LRCH1: variants seen among roughly 807,000 people sequenced by gnomAD.
LRCH1 encodes leucine rich repeats and calponin homology domain containing 1.
In LRCH1, 23 loss-of-function variants were observed where a neutral mutation model predicts 94.9. The ratio of observed to expected loss-of-function variants is 0.24; its 90% CI spans 0.17 to 0.34. The LOEUF (loss-of-function observed/expected upper bound fraction) is 0.34, where lower values mean the gene tolerates loss of function less well. Among genes scored for constraint, LRCH1 ranks in the 10% least tolerant of loss-of-function variants. LRCH1 has a pLI of 1.00. For missense variants in LRCH1, 790 were observed against 945.9 expected (o/e 0.84, Z 2.16); for synonymous variants, 364 against 354.9 (o/e 1.03, Z -0.29).
intron 1 of LRCH1, among the ~76,000 whole-genome samples, chr13:46,611,802 T>A (rs1319915614): frequency 6.6e-6 from 1 of 152,250 alleles, no homozygotes; most frequent in Non-Finnish European, 1.5e-5. Context: ...TAATGTTATC[T>A]TCTTAAAATT....
Position 46,553,691 on chromosome 13 carries a change from A to T in LRCH1, c.295A>T (p.Thr99Ser). The T allele has an allele frequency of 6.2e-7, 1 of 1,609,974 alleles. No individual in the cohort carries two copies. Among genetic ancestry groups the T allele is most frequent in the Non-Finnish European group, 8.5e-7 (1 of 1,179,318 alleles). Residue 99 changes from threonine (T) to serine (S), a missense_variant, in exon 1 of 20, where the codon ACG (threonine) becomes TCG (serine). By Grantham distance (58) the Thr-to-Ser change is moderately conservative. This residue lies in a region of LRCH1 where 136 missense variants were observed against 143.5 expected (regional missense o/e 0.95). Transcript: ENST00000389797. ...TAAPGHDLSDTVQADLSKNRL... is the reference protein window; with the variant it reads ...TAAPGHDLSDSVQADLSKNRL... ...AGCCCCCGGGCACGACCTCTCGGAC[A>T]CGGTGCAGGCAGGTGAGTGAGGGCC...
At chr13:46,702,825 A>G (rs1289208974) in intron 11 of LRCH1, among the ~76,000 whole-genome samples, 6 of 152,214 alleles carry the variant, frequency 3.9e-5, no homozygotes, top group Non-Finnish European at 8.8e-5. Flanking sequence ...GAACTTTTTC[A>G]GAACAGATAC....
chr13:46,638,611 C>T (rs867391498), intron 1 of LRCH1, among the ~76,000 whole-genome samples: 18 of 152,160 alleles, frequency 1.2e-4, no homozygotes, highest in African/African-American at 4.3e-4. Flanking sequence ...GGATTCATTT[C>T]TTTATGTTGG....
intron 3 of LRCH1, among the ~76,000 whole-genome samples, chr13:46,671,073 C>A (rs1379140235): frequency 6.6e-6 from 1 of 152,236 alleles, no homozygotes; most frequent in African/African-American, 2.4e-5. Flanking sequence ...TCTCTTGCCA[C>A]TGGCACCTTC....
intron 2 of LRCH1, among the ~76,000 whole-genome samples, chr13:46,659,205 T>C (rs1028400537): frequency 1.4e-5 from 2 of 138,132 alleles, no homozygotes; most frequent in African/African-American, 5.4e-5. Flanking sequence ...TATTTATTTA[T>C]TGAGACTTGT....
intron 11 of LRCH1, among the ~76,000 whole-genome samples, chr13:46,701,767 A>G (rs921484488): frequency 6.6e-6 from 1 of 152,194 alleles, no homozygotes; most frequent in Non-Finnish European, 1.5e-5. Flanking sequence ...ACTAATGGTA[A>G]TGGAATTCCC....
chr13:46,597,461 A>G (rs1315962429), intron 1 of LRCH1, among the ~76,000 whole-genome samples: 1 of 151,912 alleles, frequency 6.6e-6, no homozygotes, highest in African/African-American at 2.4e-5. Flanking sequence ...GGTTCAAGCA[A>G]TTCTCCTGCC....
chr13:46,674,845 G>A (rs1289884225), intron 3 of LRCH1, among the ~76,000 whole-genome samples: 1 of 152,174 alleles, frequency 6.6e-6, no homozygotes. Flanking sequence ...TCAAAACCAG[G>A]TTTTTTAATC....
chr13:46,628,360 G>A (rs558706001), intron 1 of LRCH1, among the ~76,000 whole-genome samples: 1 of 152,188 alleles, frequency 6.6e-6, no homozygotes, highest in Non-Finnish European at 1.5e-5. Flanking sequence ...AAGGCCAACC[G>A]GGCATGGTGG....
At chr13:46,647,163 TATAAGA>T (rs1208755954) in intron 1 of LRCH1, among the ~76,000 whole-genome samples, 22 of 151,784 alleles carry the variant, frequency 1.4e-4, no homozygotes, top group African/African-American at 5.3e-4. Flanking sequence ...TTTGCATATG[TATAAGA>T]ATATCTGTAG....
intron 5 of LRCH1, among the ~76,000 whole-genome samples, chr13:46,687,008 G>C (rs1870653559): frequency 7.3e-6 from 1 of 137,498 alleles, no homozygotes; most frequent in South Asian, 2.2e-4. Context: ...GCCCAGGCTG[G>C]AGTGCAGAGG....
At chr13:46,553,974 C>T (rs908846874) in intron 1 of LRCH1, among the ~76,000 whole-genome samples, 5 of 152,236 alleles carry the variant, frequency 3.3e-5, no homozygotes, top group Admixed American at 6.5e-5. Flanking sequence ...CTCCGGCTCT[C>T]CACCCTGTGG....
chr13:46,750,402 G>A (rs1874077053), intron 18 of LRCH1: 2 of 601,210 alleles, frequency 3.3e-6, no homozygotes, highest in Admixed American at 3.1e-5. Context: ...TGAAAGCAAA[G>A]GAAGGAGCTT....
At chr13:46,725,531 A>G (rs1872772409) in intron 17 of LRCH1, among the ~76,000 whole-genome samples, 1 of 152,220 alleles carries the variant, frequency 6.6e-6, no homozygotes, top group South Asian at 2.1e-4. Flanking sequence ...GGGGAGAGAT[A>G]GTAAATAAGA....
At chr13:46,630,240 GT>G (rs2051002201) in intron 1 of LRCH1, among the ~76,000 whole-genome samples, 2 of 152,226 alleles carry the variant, frequency 1.3e-5, no homozygotes, top group Non-Finnish European at 2.9e-5. Flanking sequence ...GGCATAATCA[GT>G]GGGTGGAACA....
intron 19 of LRCH1, among the ~76,000 whole-genome samples, chr13:46,737,933 T>C (rs1873464934): frequency 1.3e-5 from 2 of 152,146 alleles, no homozygotes; most frequent in African/African-American, 2.4e-5. Flanking sequence ...AATTAGGAAA[T>C]AGATATTTAT....
At chr13:46,613,257 G>C (rs2050767120) in intron 1 of LRCH1, among the ~76,000 whole-genome samples, 1 of 152,042 alleles carries the variant, frequency 6.6e-6, no homozygotes, top group African/African-American at 2.4e-5. Flanking sequence ...GAGCGTGGTG[G>C]CACGTGCCTG....
At chr13:46,628,606 G>A (rs985004310) in intron 1 of LRCH1, among the ~76,000 whole-genome samples, 6 of 147,176 alleles carry the variant, frequency 4.1e-5, no homozygotes, top group African/African-American at 7.6e-5. Context: ...GCAGTGAGCC[G>A]AGATCACACC....
exon 19 of LRCH1, chr13:46,751,918 G>A (rs554109889): frequency 1.3e-5 from 2 of 152,230 alleles, no homozygotes; most frequent in African/African-American, 2.4e-5. Context: ...TAATTTGGTG[G>A]TTGGTGGTTT....
Sources: allele counts gnomAD v4.1 joint callset (sites outside exome capture counted in the v4.1 genomes callset), GRCh38; gene constraint gnomAD v4.1.1; regional missense constraint gnomAD v4.1.1; transcripts MANE v1.5; gene names NCBI Gene and HGNC (gene_info 2026-07-23, HGNC 2026-07-21).